Variants in NEGR1 observed in about 807,000 individuals in gnomAD.
The protein encoded by NEGR1 is IgLON family member 4.
A neutral mutation model predicts 40.9 loss-of-function variants in NEGR1; 10 were observed. The observed-to-expected ratio is 0.24, with a 90% confidence interval of 0.15 to 0.42. NEGR1 has a LOEUF of 0.42. Among genes scored for constraint, NEGR1 ranks in the 10% least tolerant of loss-of-function variants. NEGR1 has a pLI of 1.00. For synonymous variants in NEGR1, 185 were observed against 166.8 expected, an observed-to-expected ratio of 1.11 and a Z score of -0.84; for missense variants, 352 against 438.9, an observed-to-expected ratio of 0.80 and a Z score of 1.77.
intron 1 of NEGR1, among the ~76,000 whole-genome samples, chr1:72,147,940 G>A (rs1172521793): frequency 6.6e-6 from 1 of 152,120 alleles, no homozygotes; most frequent in Admixed American, 6.6e-5. Context: ...CACGCCTGTG[G>A]CTTAGCAGGG....
intron 3 of NEGR1, among the ~76,000 whole-genome samples, chr1:71,744,342 A>AAATAATAATAATAAT (rs3077144): frequency 4.0e-4 from 56 of 141,178 alleles, no homozygotes; most frequent in South Asian, 2.7e-3. Context: ...AGTACTCTGT[A>AAATAATAATAATAAT]AATAATAATA....
chr1:72,121,715 C>T (rs1302835843), intron 1 of NEGR1, among the ~76,000 whole-genome samples: 4 of 151,960 alleles, frequency 2.6e-5, no homozygotes, highest in African/African-American at 9.7e-5. Flanking sequence ...AAGAAAATGA[C>T]TACACTGTGA....
At chr1:71,923,007 A>G (rs569524079) in intron 2 of NEGR1, among the ~76,000 whole-genome samples, 1 of 152,298 alleles carries the variant, frequency 6.6e-6, no homozygotes, top group Admixed American at 6.5e-5. Flanking sequence ...GAAACAGACC[A>G]GAGAGAAAAA....
intron 1 of NEGR1, among the ~76,000 whole-genome samples, chr1:72,071,313 G>T (rs977072511): frequency 6.6e-6 from 1 of 151,938 alleles, no homozygotes; most frequent in East Asian, 1.9e-4. Context: ...TTAAAAATAA[G>T]TTAATGTATA....
At chr1:71,622,351 A>G (rs1650637288) in intron 4 of NEGR1, among the ~76,000 whole-genome samples, 1 of 151,950 alleles carries the variant, frequency 6.6e-6, no homozygotes, top group Non-Finnish European at 1.5e-5. Flanking sequence ...AGCAAGTACA[A>G]TCTTGTAAAT....
chr1:72,076,768 T>C (rs1048902523), intron 1 of NEGR1, among the ~76,000 whole-genome samples: 5 of 152,204 alleles, frequency 3.3e-5, no homozygotes, highest in East Asian at 1.9e-4. Flanking sequence ...TGGCTCTGTT[T>C]CTCTGAAGAA....
At chr1:71,684,334 C>G (rs1652949534) in intron 4 of NEGR1, among the ~76,000 whole-genome samples, 1 of 151,980 alleles carries the variant, frequency 6.6e-6, no homozygotes, top group African/African-American at 2.4e-5. Context: ...TTTTATCATT[C>G]TTTTCCTACG....
intron 6 of NEGR1, among the ~76,000 whole-genome samples, chr1:71,571,200 G>T (rs1169116685): frequency 1.3e-5 from 2 of 152,078 alleles, no homozygotes; most frequent in African/African-American, 4.8e-5. Flanking sequence ...AATATATTTT[G>T]GGACAGACAT....
chr1:71,990,620 G>C (rs2100357100), intron 1 of NEGR1, among the ~76,000 whole-genome samples: 1 of 152,036 alleles, frequency 6.6e-6, no homozygotes, highest in Non-Finnish European at 1.5e-5. Flanking sequence ...TTTACTCCTG[G>C]TAAAATGATG....
chr1:71,608,620 C>A (rs2101539561), intron 5 of NEGR1, among the ~76,000 whole-genome samples: 1 of 151,352 alleles, frequency 6.6e-6, no homozygotes, highest in African/African-American at 2.4e-5. Flanking sequence ...CAAAGGAGCT[C>A]TGATTGTTAG....
chr1:71,933,719 T>C (rs1645876602), intron 2 of NEGR1, among the ~76,000 whole-genome samples: 1 of 152,056 alleles, frequency 6.6e-6, no homozygotes, highest in South Asian at 2.1e-4. Flanking sequence ...TATACCACTT[T>C]TAAATAATGA....
intron 2 of NEGR1, among the ~76,000 whole-genome samples, chr1:71,879,779 A>G (rs17091876): frequency 0.26 from 39,219 of 151,988 alleles, 5,252 homozygotes; most frequent in East Asian, 0.5. Flanking sequence ...TTTTTCCTCT[A>G]TGTTCAGATG....
chr1:71,818,564 A>G (rs1022642204), intron 2 of NEGR1, among the ~76,000 whole-genome samples: 1 of 151,994 alleles, frequency 6.6e-6, no homozygotes, highest in Non-Finnish European at 1.5e-5. Flanking sequence ...AGATGATCTG[A>G]AAAACTACCT....
chr1:72,176,162 T>C (rs1254242654), intron 1 of NEGR1, among the ~76,000 whole-genome samples: 1 of 152,146 alleles, frequency 6.6e-6, no homozygotes, highest in Non-Finnish European at 1.5e-5. Flanking sequence ...TTTCCTATGA[T>C]ATTTTTTGCA....
chr1:71,812,727 C>T (rs1432054456), intron 2 of NEGR1, among the ~76,000 whole-genome samples: 1 of 152,112 alleles, frequency 6.6e-6, no homozygotes, highest in Non-Finnish European at 1.5e-5. Context: ...GTCCTTTGCT[C>T]ACTTTTTAAT....
chr1:72,281,562 C>G (rs1656250975), intron 1 of NEGR1, among the ~76,000 whole-genome samples: 1 of 150,858 alleles, frequency 6.6e-6, no homozygotes, highest in Admixed American at 6.6e-5. Flanking sequence ...AGAGGGAAGA[C>G]AGGGCACAGG....
At chr1:72,160,243 T>C (rs1323970389) in intron 1 of NEGR1, among the ~76,000 whole-genome samples, 1 of 152,128 alleles carries the variant, frequency 6.6e-6, no homozygotes, top group Non-Finnish European at 1.5e-5. Flanking sequence ...TGAACAATAT[T>C]AGCACAAAAA....
chr1:71,877,320 T>G (rs1300027667), intron 2 of NEGR1, among the ~76,000 whole-genome samples: 1 of 152,166 alleles, frequency 6.6e-6, no homozygotes, highest in Non-Finnish European at 1.5e-5. Context: ...CAAAGTTGCA[T>G]GTACTGGGTG....
chr1:72,220,857 A>G (rs1486105439), intron 1 of NEGR1, among the ~76,000 whole-genome samples: 1 of 150,490 alleles, frequency 6.6e-6, no homozygotes, highest in African/African-American at 2.4e-5. Context: ...TGTAAAAAGA[A>G]TTTTTCTTAT....
Sources: gnomAD v4.1 joint callset for allele counts (sites outside exome capture counted in the v4.1 genomes callset) on GRCh38, gnomAD v4.1.1 for gene constraint, MANE v1.5 for transcripts, NCBI Gene and HGNC (gene_info 2026-07-23, HGNC 2026-07-21) for gene names.